Variants in RNF125 observed in about 807,000 individuals in gnomAD.
RNF125 encodes ring finger protein 125.
Under a neutral mutation model 26.0 loss-of-function variants are expected in RNF125, and 21 were observed. That is an observed-to-expected ratio of 0.81 (90% CI 0.57 to 1.16). RNF125 has a LOEUF of 1.16. RNF125 is among the 50% of genes most tolerant of loss of function. RNF125 has a pLI of 0.00. For synonymous variants in RNF125, 95 were observed against 109.2 expected, an observed-to-expected ratio of 0.87 and a Z score of 0.81; for missense variants, 270 against 299.4, an observed-to-expected ratio of 0.90 and a Z score of 0.72.
At chr18:32,028,130 C>G (rs1429982040) in intron 1 of RNF125, among the ~76,000 whole-genome samples, 2 of 151,356 alleles carry the variant, frequency 1.3e-5, no homozygotes, top group Non-Finnish European at 2.9e-5. Context: ...AACCCCGTCT[C>G]TACTAAAAAT....
intron 3 of RNF125, among the ~76,000 whole-genome samples, chr18:32,044,221 G>A (rs1375100821): frequency 1.3e-5 from 2 of 152,068 alleles, no homozygotes; most frequent in African/African-American, 4.8e-5. Flanking sequence ...TGGCCAGGCT[G>A]GTCTTGAACT....
chr18:32,074,370 A>G (rs1187118298), downstream of RNF125, among the ~76,000 whole-genome samples: 2 of 152,218 alleles, frequency 1.3e-5, no homozygotes, highest in African/African-American at 2.4e-5. Flanking sequence ...ATACTGAGGC[A>G]TAATAGTAAT....
intron 2 of RNF125, among the ~76,000 whole-genome samples, chr18:32,037,939 G>C (rs369333777): frequency 6.6e-6 from 1 of 152,124 alleles, no homozygotes; most frequent in Admixed American, 6.6e-5. Flanking sequence ...GGCCACCCCA[G>C]CTAGCAGTGA....
At chr18:32,061,380 T>C (rs2039433932) in intron 4 of RNF125, among the ~76,000 whole-genome samples, 1 of 152,202 alleles carries the variant, frequency 6.6e-6, no homozygotes, top group Non-Finnish European at 1.5e-5. Flanking sequence ...CAGCTCCTTA[T>C]TGGTAGGGAC....
chr18:32,089,675 T>A, the RNF125 span, among the ~76,000 whole-genome samples: 6 of 152,364 alleles, frequency 3.9e-5, no homozygotes, highest in African/African-American at 1.4e-4. Context: ...TTTTCTTATG[T>A]CCAAGTTTTT....
chr18:32,070,017 TTCTCTCTCTC>T lies in RNF125; in HGVS notation c.*1647_*1656del, dbSNP rs34849585. ...GGTGTCTTTCTTTCCTTCCTCCTTC[TTCTCTCTCTC>T]TCTCTCTCTCTCTTTCCTTTTCTTT... On this transcript the variant is annotated 3_prime_UTR_variant, in exon 6 of 6. Transcript: ENST00000217740. The T allele has an allele frequency of 1.3e-5, 2 of 148,816 alleles. No individual in the cohort carries two copies. Among genetic ancestry groups the T allele is most frequent in the African/African-American group, 4.9e-5 (2 of 40,482 alleles). The allele number at this position is 148,816 out of a possible 1,614,324, so 9.2% of individuals were successfully genotyped here.
chr18:32,024,200 TTTTTTTTTC>T (rs1451685429), intron 1 of RNF125, among the ~76,000 whole-genome samples: 2 of 92,960 alleles, frequency 2.2e-5, no homozygotes, highest in Non-Finnish European at 4.3e-5. Context: ...TTCTTTTTTT[TTTTTTTTTC>T]TTTTTTTTTT....
chr18:32,080,800 C>T, the RNF125 span, among the ~76,000 whole-genome samples: 1 of 152,184 alleles, frequency 6.6e-6, no homozygotes, highest in African/African-American at 2.4e-5. Context: ...GGCGTGAACC[C>T]GGGAGGCGGA....
At position 32,035,503 on chromosome 18, in the gene RNF125, C is replaced by T. The variant is rs142377384; in HGVS notation, c.165-1613C>T. On this transcript the variant is annotated intron_variant, in intron 1 of 5. Coordinates refer to ENST00000217740, the MANE Select transcript of RNF125 (RefSeq NM_017831.4). ...TTTATCATCAGCAAGTATTTAAATA[C>T]TACCCAGATGTCCATTAACAACAGA... Among the ~76,000 whole-genome samples, 509 of 152,314 alleles carry T rather than the reference C, an allele frequency of 3.3e-3. 8 individuals carry two copies. Among genetic ancestry groups the T allele is most frequent in the Non-Finnish European group, 7.1e-4 (48 of 68,010 alleles).
intron 4 of RNF125, among the ~76,000 whole-genome samples, chr18:32,064,392 T>TTTTA (rs1568208828): frequency 1.7e-5 from 2 of 118,798 alleles, no homozygotes; most frequent in Non-Finnish European, 1.8e-5. Context: ...ATCTTTTTCT[T>TTTTA]TTTCTTTTTT....
chr18:32,078,640 TA>T, the RNF125 span, among the ~76,000 whole-genome samples: 404 of 144,764 alleles, frequency 2.8e-3, no homozygotes, highest in African/African-American at 9.4e-3. Flanking sequence ...ACCAAATCTC[TA>T]AAAAAAAAAG....
At chr18:32,089,513 T>A in the RNF125 span, among the ~76,000 whole-genome samples, 4 of 152,258 alleles carry the variant, frequency 2.6e-5, no homozygotes, top group Non-Finnish European at 5.9e-5. Context: ...GGACATTTTA[T>A]TTACGCAGCT....
chr18:32,052,681 G>A (rs1406031870), intron 4 of RNF125, among the ~76,000 whole-genome samples: 1 of 152,072 alleles, frequency 6.6e-6, no homozygotes, highest in Non-Finnish European at 1.5e-5. Flanking sequence ...GAGTTGCTGT[G>A]GAGGTTAATC....
In RNF125 at chr18:32,037,733, C is replaced by A. The variant is rs149911931; in HGVS notation, c.318+464C>A. The stretch of plus-strand genomic sequence containing the variant: ...GAGGATTGTAAAACACACCAATTAG[C>A]GCTCTGTAAAATGCACCAATCAGTG... On this transcript the variant is annotated intron_variant, in intron 2 of 5. Coordinates refer to ENST00000217740, the MANE Select transcript of RNF125 (RefSeq NM_017831.4). Among the ~76,000 whole-genome samples the A allele has an allele frequency of 2.0e-4, 30 of 152,124 alleles. No homozygotes were observed. In the South Asian group the frequency reaches 2.1e-3, roughly 11 times the overall value.
rs1451852704 is a variant in RNF125 at position 32,072,187 on chromosome 18, C to G, written c.*3803C>G. ...CTGCCCTCCAGCCTGGGCAACAGAG[C>G]AAGACCCTGTCTCCAAAAACATAAA... On this transcript the variant is annotated 3_prime_UTR_variant, in exon 6 of 6. Coordinates refer to ENST00000217740, the MANE Select transcript of RNF125 (RefSeq NM_017831.4). 3.9e-5 allele frequency: 6 copies of G among 152,000 alleles called. No homozygotes were observed. Among genetic ancestry groups the G allele is most frequent in the Non-Finnish European group, 5.9e-5 (4 of 68,006 alleles). 9.4% of individuals were successfully genotyped at this position (152,000 alleles called of 1,614,324 possible).
the RNF125 span, among the ~76,000 whole-genome samples, chr18:32,089,573 C>T: frequency 6.6e-6 from 1 of 152,178 alleles, no homozygotes; most frequent in Non-Finnish European, 1.5e-5. Flanking sequence ...TATCAAGTAG[C>T]TTTTCACCAG....
At chr18:32,045,068 A>G (rs2039255295) in intron 3 of RNF125, among the ~76,000 whole-genome samples, 1 of 151,540 alleles carries the variant, frequency 6.6e-6, no homozygotes, top group Non-Finnish European at 1.5e-5. Flanking sequence ...CGGTGAGCCA[A>G]GATTGCACCA....
chr18:32,029,837 G>A (rs2039075165), intron 1 of RNF125, among the ~76,000 whole-genome samples: 1 of 152,020 alleles, frequency 6.6e-6, no homozygotes, highest in Admixed American at 6.6e-5. Context: ...TATCCAAATG[G>A]AAATATCCAA....
rs1373895582 is a variant in RNF125, at chr18:32,067,861, A to G, written c.613-437A>G. Among the ~76,000 whole-genome samples the G allele has an allele frequency of 2.6e-5, 4 of 152,198 alleles. No individual in the cohort carries two copies. In the East Asian group the frequency reaches 7.7e-4, roughly 29 times the overall value. On this transcript the variant is annotated intron_variant, in intron 5 of 5. Transcript: ENST00000217740. ...AGAATTTTGAATTCCACTTTGACACATAGGAGGCAAGGAGAAAGTTTTGTT... is the reference window on the plus strand; with the variant it reads ...AGAATTTTGAATTCCACTTTGACACGTAGGAGGCAAGGAGAAAGTTTTGTT...
Sources: allele counts gnomAD v4.1 joint callset (sites outside exome capture counted in the v4.1 genomes callset), GRCh38; gene constraint gnomAD v4.1.1; transcripts MANE v1.5; gene names NCBI Gene and HGNC (gene_info 2026-07-23, HGNC 2026-07-21).